Variants in DDX10 observed in about 807,000 individuals in gnomAD.
DDX10 encodes probable ATP-dependent RNA helicase DDX10.
A neutral mutation model predicts 104.3 loss-of-function variants in DDX10; 74 were observed. The observed-to-expected ratio is 0.71, with a 90% CI of 0.59 to 0.86. DDX10 has a LOEUF of 0.86. Among genes scored for constraint, DDX10 ranks in the 40% least tolerant of loss-of-function variants. The probability of loss-of-function intolerance (pLI) is 0.00; values close to 1 mark genes in which losing one functional copy is unlikely to be tolerated. For missense variants in DDX10, 952 were observed against 1,040.0 expected (o/e 0.92, Z 1.16); for synonymous variants, 351 against 353.4 (o/e 0.99, Z 0.08).
At chr11:108,878,351 G>A (rs1565306606) in intron 16 of DDX10, among the ~76,000 whole-genome samples, 1 of 152,296 alleles carries the variant, frequency 6.6e-6, no homozygotes, top group East Asian at 1.9e-4. Context: ...CATGTCAAAA[G>A]TTTATTTGTG....
rs116388811 is a variant in DDX10 at position 108,755,520 on chromosome 11, T to C, written c.1965+32058T>C. On this transcript the variant is annotated intron_variant, in intron 13 of 17. Coordinates refer to ENST00000322536, the MANE Select transcript of DDX10 (RefSeq NM_004398.4). ...CAACCACAGGATTGAGTAGTTGTGATAGACCATGTGGGCCATAAAGCCTAA... is the reference window on the plus strand; with the variant it reads ...CAACCACAGGATTGAGTAGTTGTGACAGACCATGTGGGCCATAAAGCCTAA... 9.8e-3 allele frequency among the ~76,000 whole-genome samples: 1,491 copies of C among 152,142 alleles called. 17 individuals are homozygous for C. The highest frequency in any genetic ancestry group is 0.034 in the African/African-American group (1,395 of 41,524).
chr11:108,874,493 A>G (rs1470760800), intron 16 of DDX10, among the ~76,000 whole-genome samples: 1 of 152,168 alleles, frequency 6.6e-6, no homozygotes, highest in African/African-American at 2.4e-5. Flanking sequence ...TTTAGCAGAG[A>G]GTTATCCGTT....
intron 16 of DDX10, among the ~76,000 whole-genome samples, chr11:108,913,970 C>A (rs190093944): frequency 6.6e-6 from 1 of 152,178 alleles, no homozygotes; most frequent in Non-Finnish European, 1.5e-5. Context: ...ACTGTAATGC[C>A]GCACAGACAA....
intron 14 of DDX10, among the ~76,000 whole-genome samples, chr11:108,839,015 A>C (rs1348491789): frequency 6.6e-6 from 1 of 152,200 alleles, no homozygotes; most frequent in African/African-American, 2.4e-5. Flanking sequence ...CTGCTTTATA[A>C]AGTAGTCTCA....
chr11:108,899,669 G>A (rs1030042854), intron 16 of DDX10, among the ~76,000 whole-genome samples: 12 of 152,044 alleles, frequency 7.9e-5, no homozygotes, highest in Non-Finnish European at 1.2e-4. Flanking sequence ...TTGAATATAT[G>A]TCCCCACCAC....
At chr11:108,796,245 T>C (rs1473733623) in intron 13 of DDX10, among the ~76,000 whole-genome samples, 2 of 152,256 alleles carry the variant, frequency 1.3e-5, no homozygotes, top group African/African-American at 4.8e-5. Flanking sequence ...ACATCAGTTT[T>C]ACTGACGTTT....
intron 16 of DDX10, among the ~76,000 whole-genome samples, chr11:108,901,997 G>A (rs1055389999): frequency 1.3e-5 from 2 of 152,184 alleles, no homozygotes; most frequent in African/African-American, 4.8e-5. Flanking sequence ...ACAGAATAAT[G>A]AAAGGACTGT....
chr11:108,934,457 G>A (rs893714692), intron 17 of DDX10, among the ~76,000 whole-genome samples: 3 of 152,186 alleles, frequency 2.0e-5, no homozygotes, highest in African/African-American at 7.2e-5. Flanking sequence ...TAAGTCATTA[G>A]CATTGTGGAA....
At position 108,940,298 on chromosome 11, in the gene DDX10, G is replaced by A. The variant is rs763526184; in HGVS notation, c.2503G>A (p.Asp835Asn). Residue 835 changes from aspartate (D) to asparagine (N), a missense_variant, in exon 18 of 18, where the codon GAC (aspartate) becomes AAC (asparagine). Asp to Asn is a conservative substitution (Grantham distance 23). Coordinates refer to ENST00000322536, the MANE Select transcript of DDX10 (RefSeq NM_004398.4). Reference protein sequence around the residue: ...MKKRSNSEVEDVGPTSHNRKK... With the variant: ...MKKRSNSEVENVGPTSHNRKK... Reference sequence around the variant, plus strand: ...GAAGAGGAGCAACAGTGAAGTGGAAGACGTGGGACCAACAAGTCATAACAG... The same window carrying A: ...GAAGAGGAGCAACAGTGAAGTGGAAAACGTGGGACCAACAAGTCATAACAG... The A allele has an allele frequency of 7.0e-5, 113 of 1,613,982 alleles. No homozygotes were observed. Among genetic ancestry groups the A allele is most frequent in the African/African-American group, 9.3e-5 (7 of 74,920 alleles).
intron 1 of DDX10, among the ~76,000 whole-genome samples, chr11:108,666,979 C>T (rs1450236509): frequency 6.6e-6 from 1 of 152,210 alleles, no homozygotes; most frequent in South Asian, 2.1e-4. Flanking sequence ...TTCTCTCTTA[C>T]CTACTCTTAT....
intron 15 of DDX10, among the ~76,000 whole-genome samples, chr11:108,847,499 C>T (rs1274601401): frequency 6.6e-6 from 1 of 152,186 alleles, no homozygotes; most frequent in Non-Finnish European, 1.5e-5. Context: ...CAAGATGTGG[C>T]TCTGGACTAC....
In DDX10 at chr11:108,904,222, T is replaced by A. The variant is rs574591919; in HGVS notation, c.2305-13651T>A. 6.6e-5 allele frequency among the ~76,000 whole-genome samples: 10 copies of A among 152,276 alleles called. No individual in the cohort carries two copies. The South Asian group carries it at 1.9e-3, about 28-fold the overall frequency. ...GCAGGGTGGTTTCAACAGAAGCGAC[T>A]GAGGCCTCTTTACAAAATGCTAAAG... On this transcript the variant is annotated intron_variant, in intron 16 of 17. Transcript: ENST00000322536.
chr11:108,826,168 C>A (rs970341994), intron 13 of DDX10, among the ~76,000 whole-genome samples: 16 of 151,916 alleles, frequency 1.1e-4, no homozygotes, highest in African/African-American at 1.2e-4. Context: ...GTCTGAAAAT[C>A]TTTTTTTTAA....
At chr11:108,889,588 G>A (rs150968169) in intron 16 of DDX10, among the ~76,000 whole-genome samples, 1 of 152,106 alleles carries the variant, frequency 6.6e-6, no homozygotes, top group East Asian at 1.9e-4. Context: ...GCCAAAGTAC[G>A]GATGACCATA....
intron 13 of DDX10, among the ~76,000 whole-genome samples, chr11:108,834,417 T>C (rs957976423): frequency 6.6e-6 from 1 of 152,158 alleles, no homozygotes. Context: ...GGACTCTTTT[T>C]TGAGACAGAA....
chr11:108,889,721 A>C (rs1863349513), intron 16 of DDX10, among the ~76,000 whole-genome samples: 1 of 152,218 alleles, frequency 6.6e-6, no homozygotes, highest in Admixed American at 6.5e-5. Flanking sequence ...TTGCTATGAG[A>C]CAAGTAGACC....
At chr11:108,720,156 C>A (rs1006191732) in intron 12 of DDX10, among the ~76,000 whole-genome samples, 1 of 152,178 alleles carries the variant, frequency 6.6e-6, no homozygotes, top group Admixed American at 6.5e-5. Flanking sequence ...GTTAAAGATT[C>A]TCAGTGGAAA....
chr11:108,791,342 G>A (rs974698279), intron 13 of DDX10, among the ~76,000 whole-genome samples: 4 of 152,340 alleles, frequency 2.6e-5, no homozygotes, highest in Non-Finnish European at 4.4e-5. Context: ...TTATGGAGAT[G>A]AGCCATCCCT....
rs1336014437 is a variant in DDX10 at position 108,693,652 on chromosome 11, C to T, written c.1223+52C>T. The T allele has an allele frequency of 5.1e-6, 7 of 1,366,908 alleles. No individual in the cohort carries two copies. The South Asian group carries it at 7.0e-5, about 14-fold the overall frequency. The allele number at this position is 1,366,908 out of a possible 1,614,324, so 84.7% of individuals were successfully genotyped here. A position where few individuals can be genotyped will look rare whatever the true frequency, so the allele number is the denominator to read the frequency against. On this transcript the variant is annotated intron_variant, in intron 9 of 17. Coordinates refer to ENST00000322536, the MANE Select transcript of DDX10 (RefSeq NM_004398.4). ...TTTTGCTACTATCTAAATAACAAAG[C>T]ATGCTTTTCCAACTGCAGATAAACG...
Sources: gnomAD v4.1 joint callset for allele counts (sites outside exome capture counted in the v4.1 genomes callset) on GRCh38, gnomAD v4.1.1 for gene constraint, MANE v1.5 for transcripts, NCBI Gene and HGNC (gene_info 2026-07-23, HGNC 2026-07-21) for gene names.